GABRB3: variants seen among roughly 807,000 people sequenced by gnomAD.
GABRB3 encodes the protein gamma-aminobutyric acid type A receptor subunit beta3, also known as gamma-aminobutyric acid receptor subunit beta-3.
Under a neutral mutation model 52.1 loss-of-function variants are expected in GABRB3, and 14 were observed. That is an observed-to-expected ratio of 0.27 (90% CI 0.18 to 0.42). The LOEUF (loss-of-function observed/expected upper bound fraction) is 0.42, where lower values mean the gene tolerates loss of function less well. Among genes scored for constraint, GABRB3 ranks in the 10% least tolerant of loss-of-function variants. The probability of loss-of-function intolerance (pLI) is 1.00; values close to 1 mark genes in which losing one functional copy is unlikely to be tolerated. For missense variants in GABRB3, 307 were observed against 609.1 expected, an observed-to-expected ratio of 0.50 and a Z score of 5.22; for synonymous variants, 260 against 232.3, an observed-to-expected ratio of 1.12 and a Z score of -1.08.
At chr15:26,700,395 T>C (rs988325028) in intron 3 of GABRB3, among the ~76,000 whole-genome samples, 3 of 151,662 alleles carry the variant, frequency 2.0e-5, no homozygotes, top group Non-Finnish European at 4.4e-5. Flanking sequence ...ACCAAGCATA[T>C]AAGGAAGAAT....
At chr15:26,763,458 T>C (rs1890875117) in intron 3 of GABRB3, among the ~76,000 whole-genome samples, 1 of 152,206 alleles carries the variant, frequency 6.6e-6, no homozygotes, top group African/African-American at 2.4e-5. Flanking sequence ...CTGTGCTCTG[T>C]GGCCATTCTA....
chr15:26,632,036 GGAAGCGAACGTGCC>G (rs1055364201), intron 3 of GABRB3, among the ~76,000 whole-genome samples: 2 of 152,194 alleles, frequency 1.3e-5, no homozygotes, highest in African/African-American at 4.8e-5. Context: ...AAGCAGCTTT[GGAAGCGAACGTGCC>G]GAAGTCTCAA....
chr15:26,556,898 G>A (rs933600251), intron 8 of GABRB3, among the ~76,000 whole-genome samples: 31 of 151,936 alleles, frequency 2.0e-4, no homozygotes, highest in Non-Finnish European at 3.7e-4. Context: ...CCAAGTCCCT[G>A]CTGTGGAGCC....
At chr15:26,653,462 A>G (rs918251793) in intron 3 of GABRB3, among the ~76,000 whole-genome samples, 2 of 152,164 alleles carry the variant, frequency 1.3e-5, no homozygotes, top group East Asian at 1.9e-4. Flanking sequence ...TCAATCACCT[A>G]TGATCTCATC....
intron 3 of GABRB3, among the ~76,000 whole-genome samples, chr15:26,718,510 T>A (rs547190755): frequency 3.3e-4 from 51 of 152,308 alleles, no homozygotes; most frequent in African/African-American, 1.2e-3. Context: ...CGCCCAGCCT[T>A]AATAGCTTAT....
chr15:26,745,020 T>C (rs1299710203), intron 3 of GABRB3, among the ~76,000 whole-genome samples: 1 of 152,144 alleles, frequency 6.6e-6, no homozygotes, highest in Non-Finnish European at 1.5e-5. Context: ...TCATGGTGGA[T>C]GGTGAAGTGG....
chr15:26,546,083 A>T lies in GABRB3; in HGVS notation c.*1710T>A, dbSNP rs1369797329. ...TACATCGAGACAACTGGGGCCTACC[A>T]TTGGAGCACTCTGGTCCTTGGTTTT... On this transcript the variant is annotated 3_prime_UTR_variant, in exon 9 of 9. Coordinates refer to ENST00000311550, the MANE Select transcript of GABRB3 (RefSeq NM_000814.6). 6.6e-6 allele frequency: 1 copy of T among 152,604 alleles called. No homozygotes were observed. Among genetic ancestry groups the T allele is most frequent in the African/African-American group, 2.4e-5 (1 of 41,412 alleles). 9.5% of individuals were successfully genotyped at this position (152,604 alleles called of 1,614,324 possible).
chr15:26,660,839 G>T (rs909802401), intron 3 of GABRB3, among the ~76,000 whole-genome samples: 3 of 152,100 alleles, frequency 2.0e-5, no homozygotes, highest in Non-Finnish European at 2.9e-5. Flanking sequence ...TGTTTGGTTT[G>T]GGGGGGCAAG....
chr15:26,741,903 C>T (rs545314524), intron 3 of GABRB3, among the ~76,000 whole-genome samples: 14 of 152,304 alleles, frequency 9.2e-5, no homozygotes, highest in Admixed American at 7.2e-4. Flanking sequence ...AATTGTCTGA[C>T]AGTATTTATG....
intron 3 of GABRB3, among the ~76,000 whole-genome samples, chr15:26,697,951 A>G (rs917879146): frequency 2.6e-5 from 4 of 152,218 alleles, no homozygotes; most frequent in African/African-American, 9.6e-5. Flanking sequence ...GATCTATGAA[A>G]TAATTTAGAA....
chr15:26,583,566 G>A, intron 4 of GABRB3, 152 bp from the exon 5 acceptor site: 1 of 635,630 alleles, frequency 1.6e-6, no homozygotes, highest in Non-Finnish European at 2.8e-6. Context: ...AGAAACTTGA[G>A]TAAATAAGAA....
chr15:26,655,090 A>G (rs1271634130), intron 3 of GABRB3, among the ~76,000 whole-genome samples: 1 of 152,198 alleles, frequency 6.6e-6, no homozygotes, highest in Non-Finnish European at 1.5e-5. Flanking sequence ...AACCCTCACT[A>G]TCTTGAGATA....
At position 26,544,526 on chromosome 15, in the gene GABRB3, C is replaced by T. The variant is rs889183291; in HGVS notation, c.*3267G>A. 3.3e-5 allele frequency: 5 copies of T among 152,230 alleles called. No homozygotes were observed. Among genetic ancestry groups the T allele is most frequent in the East Asian group, 1.9e-4 (1 of 5,160 alleles). 9.4% of individuals were successfully genotyped at this position (152,230 alleles called of 1,614,324 possible). A position where few individuals can be genotyped will look rare whatever the true frequency, so the allele number is the denominator to read the frequency against. On this transcript the variant is annotated 3_prime_UTR_variant, in exon 9 of 9. Coordinates refer to ENST00000311550, the MANE Select transcript of GABRB3 (RefSeq NM_000814.6). ...TATTATCATGACATACTTTCTAGTT[C>T]GTTTGAGATTCAGGGGAAATGGATG...
At chr15:26,708,031 A>C (rs1165352813) in intron 3 of GABRB3, among the ~76,000 whole-genome samples, 5 of 152,156 alleles carry the variant, frequency 3.3e-5, no homozygotes, top group African/African-American at 1.2e-4. Context: ...TCATGTCAGC[A>C]CAGAAAAAAT....
chr15:26,693,405 C>T (rs575640424), intron 3 of GABRB3, among the ~76,000 whole-genome samples: 21 of 152,114 alleles, frequency 1.4e-4, no homozygotes, highest in Admixed American at 1.3e-3. Flanking sequence ...ATTTCCCCTG[C>T]GAGATCATGC....
At chr15:26,709,630 G>C (rs1297072509) in intron 3 of GABRB3, among the ~76,000 whole-genome samples, 1 of 137,842 alleles carries the variant, frequency 7.3e-6, no homozygotes, top group South Asian at 2.4e-4. Context: ...CCATTCTCCT[G>C]CCTCAGCCTC....
At chr15:26,567,864 A>G (rs1890237473) in intron 6 of GABRB3, 131 bp from the exon 7 acceptor site, 1 of 843,530 alleles carries the variant, frequency 1.2e-6, no homozygotes, top group African/African-American at 1.7e-5. Flanking sequence ...ACCACCAAGC[A>G]GTTTGCTTCT....
chr15:26,658,855 G>C (rs1887455392), intron 3 of GABRB3: 1 of 152,144 alleles, frequency 6.6e-6, no homozygotes, highest in East Asian at 1.9e-4. Context: ...AATTGAAACG[G>C]AACCCTCAAA....
At chr15:26,687,657 T>C (rs1888449466) in intron 3 of GABRB3, among the ~76,000 whole-genome samples, 1 of 152,220 alleles carries the variant, frequency 6.6e-6, no homozygotes, top group Admixed American at 6.5e-5. Flanking sequence ...ATCCTTTGTT[T>C]TGTTTTTCAC....
Sources: allele counts gnomAD v4.1 joint callset (sites outside exome capture counted in the v4.1 genomes callset), GRCh38; gene constraint gnomAD v4.1.1; transcripts MANE v1.5; gene names NCBI Gene and HGNC (gene_info 2026-07-23, HGNC 2026-07-21).